PFKFB2: variants seen among roughly 807,000 people sequenced by gnomAD.
PFKFB2 encodes 6-phosphofructo-2-kinase/fructose-2,6-bisphosphatase 2.
PFKFB2 carries 53 observed loss-of-function variants against 68.0 expected under a neutral mutation model. The observed-to-expected ratio is 0.78, with a 90% CI of 0.63 to 0.98. The LOEUF (loss-of-function observed/expected upper bound fraction) is 0.98, where lower values mean the gene tolerates loss of function less well. PFKFB2 is among the 50% of genes least tolerant of loss of function. PFKFB2 has a pLI of 0.00. For synonymous variants in PFKFB2, 222 were observed against 227.6 expected, an observed-to-expected ratio of 0.98 and a Z score of 0.22; for missense variants, 451 against 642.0, an observed-to-expected ratio of 0.70 and a Z score of 3.22.
At chr1:207,061,899 A>G (rs1572723542) in intron 2 of PFKFB2, 54 bp from the exon 3 acceptor site, 2 of 1,523,370 alleles carry the variant, frequency 1.3e-6, no homozygotes, top group East Asian at 4.5e-5. Flanking sequence ...AAACACCAAA[A>G]AACCTTACTA....
chr1:207,070,405 C>T lies in PFKFB2; in HGVS notation c.1218C>T (p.Gly406=), dbSNP rs773074087. The part of the protein sequence containing the change: ...RCLLAYFLDK[G]ADELPYLRCP... ...TCCTGGCCTACTTCTTGGATAAGGGCGCAGGTGCCTTTGAGGGAGGGGCTG... is the reference window on the plus strand; with the variant it reads ...TCCTGGCCTACTTCTTGGATAAGGGTGCAGGTGCCTTTGAGGGAGGGGCTG... Residue 406 remains glycine, a synonymous_variant, in exon 12 of 15, where the codon GGC becomes GGT. Transcript: ENST00000367080. This position sits in a 1 kb window ranked among gnomAD's most constrained non-coding sequence, Gnocchi z 4.2. The T allele has an allele frequency of 2.5e-5, 41 of 1,613,502 alleles. No individual in the cohort carries two copies. Among genetic ancestry groups the T allele is most frequent in the South Asian group, 4.4e-5 (4 of 91,056 alleles).
At chr1:207,071,421 A>G (rs1432841188) in intron 13 of PFKFB2, 88 bp from the exon 14 acceptor site, 1 of 1,168,854 alleles carries the variant, frequency 8.6e-7, no homozygotes, top group Non-Finnish European at 1.3e-6. Context: ...CAGAATGCGT[A>G]CATTCCTTTG....
intron 2 of PFKFB2, chr1:207,045,536 T>C (rs1682578446): frequency 6.6e-6 from 1 of 152,016 alleles, no homozygotes; most frequent in African/African-American, 2.4e-5. Flanking sequence ...TGCAAACAAA[T>C]GTGTCTCCAC....
intron 1 of PFKFB2, among the ~76,000 whole-genome samples, chr1:207,035,830 G>A (rs1682367319): frequency 6.6e-6 from 1 of 152,190 alleles, no homozygotes; most frequent in African/African-American, 2.4e-5. Context: ...CACACGGTGA[G>A]ACAGGGAGCA....
rs1270076796 is a variant in PFKFB2, at chr1:207,076,588, A to G, written c.*4217A>G. The G allele has an allele frequency of 1.1e-6, 1 of 875,998 alleles. No homozygotes were observed. 54.3% of individuals were successfully genotyped at this position (875,998 alleles called of 1,614,324 possible). A position where few individuals can be genotyped will look rare whatever the true frequency, so the allele number is the denominator to read the frequency against. On this transcript the variant is annotated 3_prime_UTR_variant, in exon 15 of 15. Transcript: ENST00000367080. ...GTGTCCAGGGATTTAATTTAGACCC[A>G]TACTGTCCAGGAGACTGTCTCTAGT...
chr1:207,078,999 T>A, downstream of PFKFB2: 1 of 1,611,884 alleles, frequency 6.2e-7, no homozygotes, highest in Non-Finnish European at 8.5e-7. Context: ...CTCCGCAGCG[T>A]CCCTCATGTT....
chr1:207,072,764 G>T lies in PFKFB2; in HGVS notation c.*393G>T. On this transcript the variant is annotated 3_prime_UTR_variant, in exon 15 of 15. Coordinates refer to ENST00000367080, the MANE Select transcript of PFKFB2 (RefSeq NM_006212.2). ...GTGAAGTGTTGGGGGATGGAGGGCG[G>T]GTGAGCAGTCGGGGGACAAAAAGTC... is the stretch of plus-strand genomic sequence containing the variant. 3.0e-6 allele frequency: 3 copies of T among 1,010,790 alleles called. No individual in the cohort carries two copies. Among genetic ancestry groups the T allele is most frequent in the Non-Finnish European group, 3.5e-6 (3 of 847,032 alleles). 62.6% of individuals were successfully genotyped at this position (1,010,790 alleles called of 1,614,324 possible). A position where few individuals can be genotyped will look rare whatever the true frequency, so the allele number is the denominator to read the frequency against.
chr1:207,044,532 A>G (rs950704054), intron 2 of PFKFB2: 4 of 152,528 alleles, frequency 2.6e-5, no homozygotes, highest in Admixed American at 2.0e-4. Context: ...TAATCAAATT[A>G]TATCTTCACC....
chr1:207,052,585 CA>C (rs999833972), upstream of PFKFB2, among the ~76,000 whole-genome samples: 27 of 151,514 alleles, frequency 1.8e-4, no homozygotes, highest in African/African-American at 5.6e-4. Flanking sequence ...ACACGGGAGG[CA>C]AAAGTTGCGG....
Position 207,070,129 on chromosome 1 carries a change from G to C in PFKFB2, c.1093-151G>C, listed in dbSNP as rs913371496. On this transcript the variant is annotated intron_variant, in intron 11 of 14. Transcript: ENST00000367080. This position sits in a 1 kb window ranked among gnomAD's most constrained non-coding sequence, Gnocchi z 4.2. ...TTCTCAAGAGATACCAGGGCTGGGG[G>C]CAGTTAGCAGGTGATGTAAACTCAC... 2.7e-6 allele frequency: 2 copies of C among 754,656 alleles called. No individual in the cohort carries two copies. Among genetic ancestry groups the C allele is most frequent in the African/African-American group, 3.5e-5 (2 of 56,380 alleles). 46.7% of individuals were successfully genotyped at this position (754,656 alleles called of 1,614,324 possible). A position where few individuals can be genotyped will look rare whatever the true frequency, so the allele number is the denominator to read the frequency against.
chr1:207,035,051 C>T (rs2102311186), intron 1 of PFKFB2: 1 of 617,614 alleles, frequency 1.6e-6, no homozygotes, highest in Non-Finnish European at 2.0e-6. Context: ...AATAAGACTT[C>T]CTGGTTGATA....
In PFKFB2 at chr1:207,072,724, A is replaced by G. The variant is rs780117726; in HGVS notation, c.*353A>G. 1.2e-3 allele frequency: 1,209 copies of G among 1,035,684 alleles called. 1 individual carries two copies. The highest frequency in any genetic ancestry group is 1.3e-3 in the Non-Finnish European group (1,139 of 863,134). 64.2% of individuals were successfully genotyped at this position (1,035,684 alleles called of 1,614,324 possible). A position where few individuals can be genotyped will look rare whatever the true frequency, so the allele number is the denominator to read the frequency against. On this transcript the variant is annotated 3_prime_UTR_variant, in exon 15 of 15. Transcript: ENST00000367080. Reference sequence around the variant, plus strand: ...CTCTCTGTTCCCTGGTGTCTTCACTAATGTCCTCATGTTGGTGAAGTGTTG... The same window carrying G: ...CTCTCTGTTCCCTGGTGTCTTCACTGATGTCCTCATGTTGGTGAAGTGTTG...
At chr1:207,056,341 C>T (rs1326321571) in intron 2 of PFKFB2, among the ~76,000 whole-genome samples, 2 of 149,648 alleles carry the variant, frequency 1.3e-5, no homozygotes, top group Admixed American at 6.7e-5. Flanking sequence ...GTTTTCTTCT[C>T]TTATTTGACA....
At position 207,063,800 on chromosome 1, in the gene PFKFB2, G is replaced by A. The variant is rs771660113; in HGVS notation, c.478G>A (p.Asp160Asn). 2 of 1,613,862 alleles carry A rather than the reference G, an allele frequency of 1.2e-6. No individual in the cohort carries two copies. Among genetic ancestry groups the A allele is most frequent in the Admixed American group, 1.7e-5 (1 of 59,998 alleles). The change falls in exon 7 of 15, where the codon GAT (aspartate) becomes AAT (asparagine). Residue 160 changes from aspartate (D) to asparagine (N), a missense_variant. Asp to Asn is a conservative substitution (Grantham distance 23, BLOSUM62 1). Transcript: ENST00000367080. This position sits in a 1 kb window ranked among gnomAD's most constrained non-coding sequence, Gnocchi z 4.1. ...ATTCTTTGTGGAATCCGTCTGTGAT[G>A]ATCCTGATGTCATTGCTGCCAATAT... ...KVFFVESVCD[D>N]PDVIAANILE...
chr1:207,050,950 G>C, upstream of PFKFB2: 1 of 1,572,254 alleles, frequency 6.4e-7, no homozygotes, highest in South Asian at 1.1e-5. Context: ...CTTTGGTCCC[G>C]GCAGCCTGTT....
At chr1:207,078,082 C>T (rs1330616701), downstream of PFKFB2, among the ~76,000 whole-genome samples, 1 of 152,228 alleles carries the variant, frequency 6.6e-6, no homozygotes, top group Non-Finnish European at 1.5e-5. Flanking sequence ...GAAACAATTA[C>T]ATTTCACTGC....
chr1:207,062,936 A>T (rs900809840), intron 4 of PFKFB2, among the ~76,000 whole-genome samples: 1 of 152,162 alleles, frequency 6.6e-6, no homozygotes, highest in Non-Finnish European at 1.5e-5. Flanking sequence ...GAGGGCTAAG[A>T]TCTGTGCATT....
rs115575628 is a variant in PFKFB2, at chr1:207,074,093, C to G, written c.*1722C>G. 1.6e-3 allele frequency: 1,414 copies of G among 891,328 alleles called. 1 individual carries two copies. The highest frequency in any genetic ancestry group is 1.8e-3 in the Non-Finnish European group (1,362 of 744,758). 55.2% of individuals were successfully genotyped at this position (891,328 alleles called of 1,614,324 possible). On this transcript the variant is annotated 3_prime_UTR_variant, in exon 15 of 15. Transcript: ENST00000367080. ...TATGCTTAATACTGACTCAGAATCT[C>G]TGGGATCTGGGTCTGGACATGCATG...
chr1:207,035,200 G>A, intron 1 of PFKFB2: 1 of 985,560 alleles, frequency 1.0e-6, no homozygotes, highest in Non-Finnish European at 1.2e-6. Context: ...CTTGCATGCT[G>A]TTGTGGTCAT....
Sources: allele counts gnomAD v4.1 joint callset (sites outside exome capture counted in the v4.1 genomes callset), GRCh38; gene constraint gnomAD v4.1.1; non-coding constraint Gnocchi (gnomAD v3.1); transcripts MANE v1.5; gene names NCBI Gene and HGNC (gene_info 2026-07-23, HGNC 2026-07-21).